The following ROBO2 variants were observed in gnomAD, a reference collection of about 807,000 sequenced individuals.
ROBO2 encodes the protein roundabout homolog 2.
ROBO2 carries 53 observed loss-of-function variants against 160.8 expected under a neutral mutation model. The ratio of observed to expected loss-of-function variants is 0.33; its 90% CI spans 0.26 to 0.41. The LOEUF (loss-of-function observed/expected upper bound fraction) is 0.41, where lower values mean the gene tolerates loss of function less well. Ranked by LOEUF, ROBO2 falls within the 10% of genes least tolerant of loss-of-function variation. ROBO2 has a pLI of 1.00. For synonymous variants in ROBO2, 664 were observed against 611.7 expected (o/e 1.09, Z -1.26); for missense variants, 1,577 against 1,722.4 (o/e 0.92, Z 1.49).
intron 2 of ROBO2, chr3:77,316,756 G>A: frequency 1.9e-6 from 2 of 1,074,704 alleles, no homozygotes; most frequent in Non-Finnish European, 2.9e-6. Context: ...ATTCATTCAT[G>A]CTTGAAATTT....
intron 2 of ROBO2, among the ~76,000 whole-genome samples, chr3:76,280,734 T>G (rs1230853313): frequency 6.6e-6 from 1 of 152,054 alleles, no homozygotes; most frequent in Non-Finnish European, 1.5e-5. Flanking sequence ...CTAAAAGATC[T>G]TCACATCTTT....
At chr3:76,880,377 A>G (rs1419354234) in intron 2 of ROBO2, among the ~76,000 whole-genome samples, 1 of 152,164 alleles carries the variant, frequency 6.6e-6, no homozygotes, top group Non-Finnish European at 1.5e-5. Context: ...TTAAAAGATG[A>G]TCAGCACAAA....
In ROBO2 at chr3:76,029,882, G is replaced by T. The variant is rs146457955; in HGVS notation, c.109+92280G>T. ...TTATAATCCTTTGGGTACATACCCA[G>T]TAATGGAATTGCTGGGTCAAATGGT... On this transcript the variant is annotated intron_variant, in intron 2 of 26. Transcript: ENST00000487694. Among the ~76,000 whole-genome samples the T allele has an allele frequency of 7.6e-3, 1,153 of 152,294 alleles. 10 individuals are homozygous for T. The highest frequency in any genetic ancestry group is 0.017 in the South Asian group (80 of 4,834).
intron 2 of ROBO2, among the ~76,000 whole-genome samples, chr3:75,995,612 G>A (rs539291323): frequency 5.3e-5 from 8 of 152,218 alleles, no homozygotes; most frequent in African/African-American, 1.9e-4. Context: ...CCCTACTGGT[G>A]CACTGCCTAG....
At chr3:77,026,818 G>A (rs2062997152) in intron 2 of ROBO2, among the ~76,000 whole-genome samples, 1 of 152,134 alleles carries the variant, frequency 6.6e-6, no homozygotes, top group South Asian at 2.1e-4. Context: ...TGAATTGAAT[G>A]AATTATCATT....
intron 2 of ROBO2, among the ~76,000 whole-genome samples, chr3:75,942,864 C>T (rs1256670145): frequency 6.6e-6 from 1 of 151,920 alleles, no homozygotes; most frequent in Non-Finnish European, 1.5e-5. Flanking sequence ...ATTAATCATG[C>T]ATTTCAGATA....
intron 2 of ROBO2, among the ~76,000 whole-genome samples, chr3:76,904,471 G>C (rs1254626607): frequency 6.6e-6 from 1 of 152,022 alleles, no homozygotes; most frequent in South Asian, 2.1e-4. Flanking sequence ...TAATATACTA[G>C]GGCTTAATAT....
intron 2 of ROBO2, among the ~76,000 whole-genome samples, chr3:77,207,143 A>G (rs888965217): frequency 1.3e-5 from 2 of 152,230 alleles, no homozygotes; most frequent in African/African-American, 2.4e-5. Flanking sequence ...TATAAATAAT[A>G]TAAAGACTAT....
chr3:77,558,164 A>G lies in ROBO2; in HGVS notation c.1437+15A>G, dbSNP rs775625190. 4.4e-6 allele frequency: 7 copies of G among 1,603,398 alleles called. No individual in the cohort carries two copies. Among genetic ancestry groups the G allele is most frequent in the Non-Finnish European group, 6.0e-6 (7 of 1,170,642 alleles). ...AGAATTTACGGGTAAGTAATATTGG[A>G]CTTGTACATGAATTATCATCTACAC... On this transcript the variant is annotated intron_variant, in intron 9 of 25. Coordinates refer to ENST00000461745, the Ensembl canonical transcript of ROBO2.
chr3:76,898,545 T>C (rs1404960237), intron 2 of ROBO2, among the ~76,000 whole-genome samples: 1 of 152,144 alleles, frequency 6.6e-6, no homozygotes, highest in East Asian at 1.9e-4. Flanking sequence ...GGTTACATGC[T>C]AAGATCCTAT....
chr3:76,007,857 A>G (rs957008895), intron 2 of ROBO2, among the ~76,000 whole-genome samples: 2 of 152,230 alleles, frequency 1.3e-5, no homozygotes, highest in Non-Finnish European at 1.5e-5. Context: ...CTTAATGTAT[A>G]TAAGAATTCT....
intron 1 of ROBO2, among the ~76,000 whole-genome samples, chr3:77,059,417 T>C (rs1013556749): frequency 3.3e-5 from 5 of 152,166 alleles, no homozygotes; most frequent in Non-Finnish European, 5.9e-5. Context: ...GATTCATGAT[T>C]TGGAGTAGCA....
At chr3:76,114,641 A>G (rs2108256403) in intron 2 of ROBO2, among the ~76,000 whole-genome samples, 1 of 152,260 alleles carries the variant, frequency 6.6e-6, no homozygotes, top group African/African-American at 2.4e-5. Flanking sequence ...CCACCTAGTA[A>G]GAGATCAAGC....
chr3:77,402,408 G>C (rs9855735), intron 2 of ROBO2, among the ~76,000 whole-genome samples: 1 of 151,806 alleles, frequency 6.6e-6, no homozygotes, highest in African/African-American at 2.4e-5. Flanking sequence ...TATTCTGCAC[G>C]TGTGTCCCAG....
At chr3:76,404,021 G>A (rs1455446522) in intron 2 of ROBO2, among the ~76,000 whole-genome samples, 1 of 151,572 alleles carries the variant, frequency 6.6e-6, no homozygotes, top group Non-Finnish European at 1.5e-5. Context: ...CATAGACAGT[G>A]TATTTTCCCT....
intron 16 of ROBO2, among the ~76,000 whole-genome samples, chr3:77,587,419 T>G (rs1458987831): frequency 6.6e-6 from 1 of 152,052 alleles, no homozygotes; most frequent in Non-Finnish European, 1.5e-5. Flanking sequence ...TGAATTGAGA[T>G]TTGCAGGATT....
chr3:76,072,681 G>A (rs959378431), intron 2 of ROBO2, among the ~76,000 whole-genome samples: 1 of 152,034 alleles, frequency 6.6e-6, no homozygotes, highest in Non-Finnish European at 1.5e-5. Context: ...TCTTTAAAGT[G>A]CAACAATTTA....
chr3:77,454,539 G>A (rs2081425156), intron 2 of ROBO2, among the ~76,000 whole-genome samples: 1 of 152,162 alleles, frequency 6.6e-6, no homozygotes, highest in African/African-American at 2.4e-5. Flanking sequence ...GCAGAATGAT[G>A]TTTATGCTGT....
chr3:77,014,731 T>C (rs60245885), intron 2 of ROBO2, among the ~76,000 whole-genome samples: 22,610 of 152,010 alleles, frequency 0.15, 1,937 homozygotes, highest in Admixed American at 0.25. Context: ...AATTTCACTC[T>C]ATTATCAGAG....
Sources: gnomAD v4.1 joint callset for allele counts (sites outside exome capture counted in the v4.1 genomes callset) on GRCh38, gnomAD v4.1.1 for gene constraint, MANE v1.5 for transcripts, NCBI Gene and HGNC (gene_info 2026-07-23, HGNC 2026-07-21) for gene names.